Variants in PLEKHD1 observed in about 807,000 individuals in gnomAD.
PLEKHD1 encodes the protein pleckstrin homology domain-containing family D member 1.
In PLEKHD1, 51 loss-of-function variants were observed where a neutral mutation model predicts 69.2. The observed-to-expected ratio is 0.74, with a 90% CI of 0.59 to 0.93. PLEKHD1 has a LOEUF of 0.93. Among genes scored for constraint, PLEKHD1 ranks in the 40% least tolerant of loss-of-function variants. The pLI is 0.00. For synonymous variants in PLEKHD1, 236 were observed against 244.7 expected (o/e 0.96, Z 0.33); for missense variants, 584 against 641.0 (o/e 0.91, Z 0.96).
Position 69,501,748 on chromosome 14 carries a change from C to A in PLEKHD1, c.425C>A (p.Ala142Asp), listed in dbSNP as rs961324568. ...QESGKVTWKN[A>D]QLGEAMIKSL... is the part of the protein sequence containing the mutation. Reference sequence around the variant, plus strand: ...TCCCTCCCCAGGACCTGGAAGAATGCCCAGCTGGGAGAAGCCATGATCAAA... The same window carrying A: ...TCCCTCCCCAGGACCTGGAAGAATGACCAGCTGGGAGAAGCCATGATCAAA... Residue 142 changes from alanine (A) to aspartate (D), a missense_variant, in exon 5 of 13, where the codon GCC (alanine) becomes GAC (aspartate). Transcript: ENST00000322564. The A allele has an allele frequency of 1.3e-6, 2 of 1,551,156 alleles. No individual in the cohort carries two copies. The highest frequency in any genetic ancestry group is 1.7e-6 in the Non-Finnish European group (2 of 1,146,744).
Position 69,528,388 on chromosome 14 carries a change from C to A in PLEKHD1, c.1490C>A (p.Ala497Asp). 2 of 1,551,382 alleles carry A rather than the reference C, an allele frequency of 1.3e-6. No individual in the cohort carries two copies. Among genetic ancestry groups the A allele is most frequent in the South Asian group, 1.2e-5 (1 of 84,040 alleles). The change falls in exon 13 of 13, where the codon GCC becomes GAC. Residue 497 changes from alanine to aspartate, a missense_variant. Coordinates refer to ENST00000322564, the MANE Select transcript of PLEKHD1 (RefSeq NM_001161498.2). ...CACATCATGGCCACCCAGCCTGGAG[C>A]CCCCTCGGCACTCTCCCGGGGTGGA... ...IYHIMATQPG[A>D]PSALSRGGK
chr14:69,512,166 C>T (rs530799453), intron 6 of PLEKHD1, among the ~76,000 whole-genome samples: 37 of 152,280 alleles, frequency 2.4e-4, no homozygotes, highest in African/African-American at 8.4e-4. Flanking sequence ...TCTGAGTTAT[C>T]AAATTTATTG....
At chr14:69,518,167 A>C (rs1159815207) in intron 6 of PLEKHD1, among the ~76,000 whole-genome samples, 1 of 152,022 alleles carries the variant, frequency 6.6e-6, no homozygotes, top group South Asian at 2.1e-4. Context: ...AAGTAGCTGG[A>C]ACTACTACAG....
intron 6 of PLEKHD1, among the ~76,000 whole-genome samples, chr14:69,510,036 CTCTAT>C (rs1883237024): frequency 6.6e-6 from 1 of 151,616 alleles, no homozygotes; most frequent in African/African-American, 2.4e-5. Flanking sequence ...TTTCCGAGCT[CTCTAT>C]TCTGTTCTAT....
chr14:69,509,141 A>G (rs1183556734), intron 6 of PLEKHD1, among the ~76,000 whole-genome samples: 1 of 152,212 alleles, frequency 6.6e-6, no homozygotes, highest in Non-Finnish European at 1.5e-5. Flanking sequence ...CTGGGATTAC[A>G]GATGTGAGCC....
the PLEKHD1 span, among the ~76,000 whole-genome samples, chr14:69,478,907 C>G: frequency 6.6e-6 from 1 of 152,202 alleles, no homozygotes; most frequent in East Asian, 1.9e-4. Context: ...TCAGCAGCAC[C>G]CTACTCTACT....
upstream of PLEKHD1, among the ~76,000 whole-genome samples, chr14:69,479,790 G>A (rs1882510652): frequency 6.6e-6 from 1 of 152,170 alleles, no homozygotes; most frequent in African/African-American, 2.4e-5. Context: ...TTAAACTTAT[G>A]TTAACACTAG....
chr14:69,492,000 T>C (rs946935247), intron 1 of PLEKHD1, among the ~76,000 whole-genome samples: 3 of 152,134 alleles, frequency 2.0e-5, no homozygotes, highest in Non-Finnish European at 2.9e-5. Context: ...AAAACTACAA[T>C]ATGACCTTAT....
intron 1 of PLEKHD1, among the ~76,000 whole-genome samples, chr14:69,495,492 C>A (rs1013362247): frequency 6.6e-6 from 1 of 152,228 alleles, no homozygotes; most frequent in Non-Finnish European, 1.5e-5. Flanking sequence ...CATTTCTGAC[C>A]ATGTAAAATG....
chr14:69,527,984 G>A, intron 12 of PLEKHD1, 52 bp downstream of exon 12: 1 of 1,548,370 alleles, frequency 6.5e-7, no homozygotes, highest in Non-Finnish European at 8.7e-7. Context: ...GGCAGGAAGA[G>A]GGCAACATGG....
In PLEKHD1 at chr14:69,525,926, T is replaced by G. The variant is rs146151174; in HGVS notation, c.745-18T>G. 1.5e-4 allele frequency: 234 copies of G among 1,539,958 alleles called. No homozygotes were observed. The African/African-American group carries it at 2.8e-3, about 18-fold the overall frequency. On this transcript the variant is annotated intron_variant, in intron 8 of 12. Transcript: ENST00000322564. ...ACCTAAATTGGGCTTTTCTTTTCCTTGCCTCCCTCCATGCCAGGAACTCTC... is the reference window on the plus strand; with the variant it reads ...ACCTAAATTGGGCTTTTCTTTTCCTGGCCTCCCTCCATGCCAGGAACTCTC...
the PLEKHD1 span, among the ~76,000 whole-genome samples, chr14:69,478,627 G>A: frequency 2.6e-5 from 4 of 152,052 alleles, no homozygotes; most frequent in Admixed American, 6.5e-5. Context: ...CTAGGGCAGG[G>A]GCAAAATGCT....
intron 1 of PLEKHD1, among the ~76,000 whole-genome samples, chr14:69,499,162 C>T (rs913028643): frequency 6.6e-6 from 1 of 151,974 alleles, no homozygotes; most frequent in Non-Finnish European, 1.5e-5. Context: ...ATTGTGGGCT[C>T]TTATGAGCCC....
rs55727771 is a variant in PLEKHD1 at position 69,528,395 on chromosome 14, G to A, written c.1497G>A (p.Ser499=). ...TGGCCACCCAGCCTGGAGCCCCCTC[G>A]GCACTCTCCCGGGGTGGAAAGTGAT... ...HIMATQPGAP[S]ALSRGGK The change falls in exon 13 of 13, where the codon TCG becomes TCA. Residue 499 remains serine, a synonymous_variant. Coordinates refer to ENST00000322564, the MANE Select transcript of PLEKHD1 (RefSeq NM_001161498.2). 187,504 of 1,551,082 alleles carry A rather than the reference G, an allele frequency of 0.12. 11,932 individuals carry two copies. Among genetic ancestry groups the A allele is most frequent in the Non-Finnish European group, 0.13 (144,080 of 1,146,920 alleles).
chr14:69,484,941 C>A lies in PLEKHD1; in HGVS notation c.-25C>A, dbSNP rs1179897826. 2 of 1,546,934 alleles carry A rather than the reference C, an allele frequency of 1.3e-6. No homozygotes were observed. The highest frequency in any genetic ancestry group is 1.7e-6 in the Non-Finnish European group (2 of 1,144,192). ...TGACCCCGGGGAGGTGGGGTCCGGG[C>A]CGGGCACAGCCCCGCTGAGGCAGGA... is the stretch of plus-strand genomic sequence containing the variant. On this transcript the variant is annotated 5_prime_UTR_variant, in exon 1 of 13. Transcript: ENST00000322564.
chr14:69,501,128 AG>A, intron 4 of PLEKHD1, 181 bp downstream of exon 4: 1 of 635,138 alleles, frequency 1.6e-6, no homozygotes, highest in Admixed American at 2.6e-5. Flanking sequence ...GGGTCCCCTG[AG>A]TGAGCTTGAA....
At chr14:69,498,579 TC>T (rs1273823316) in intron 1 of PLEKHD1, among the ~76,000 whole-genome samples, 2 of 151,878 alleles carry the variant, frequency 1.3e-5, no homozygotes, top group Admixed American at 6.6e-5. Context: ...CAGCAAGGTT[TC>T]TTTTTGTTTT....
chr14:69,501,086 G>T (rs1391822183), intron 4 of PLEKHD1, 139 bp downstream of exon 4: 6 of 871,824 alleles, frequency 6.9e-6, no homozygotes, highest in Non-Finnish European at 1.1e-5. Flanking sequence ...GTAGGGGAGA[G>T]CAGACAGGCC....
chr14:69,527,883 C>T lies in PLEKHD1; in HGVS notation c.1302C>T (p.Ile434=), dbSNP rs762694161. 1 of 1,551,484 alleles carries T rather than the reference C, an allele frequency of 6.4e-7. No individual in the cohort carries two copies. The highest frequency in any genetic ancestry group is 2.4e-5 in the East Asian group (1 of 40,926). Reference sequence around the variant, plus strand: ...TCCATAAGGCAGCCACTCGCCGCATCAAGAGCTGCCGCTTCCACCGACGCC... The same window carrying T: ...TCCATAAGGCAGCCACTCGCCGCATTAAGAGCTGCCGCTTCCACCGACGCC... ...VYIHKAATRR[I]KSCRFHRRRS... is the part of the protein sequence containing the mutation. Residue 434 remains isoleucine (I), a synonymous_variant, in exon 12 of 13, where the codon ATC becomes ATT. Transcript: ENST00000322564.
Sources: allele counts gnomAD v4.1 joint callset (sites outside exome capture counted in the v4.1 genomes callset), GRCh38; gene constraint gnomAD v4.1.1; transcripts MANE v1.5; gene names NCBI Gene and HGNC (gene_info 2026-07-23, HGNC 2026-07-21).